ARHGEF3: variants seen among roughly 807,000 people sequenced by gnomAD.
ARHGEF3 encodes 59.8 kDA protein.
ARHGEF3 carries 28 observed loss-of-function variants against 63.2 expected under a neutral mutation model. That is an observed-to-expected ratio of 0.44 (90% confidence interval 0.33 to 0.61). The LOEUF (loss-of-function observed/expected upper bound fraction) is 0.61. ARHGEF3 is among the 20% of genes least tolerant of loss of function. The pLI, the probability that ARHGEF3 is intolerant of heterozygous loss-of-function variation, is 0.03. For missense variants in ARHGEF3, 533 were observed against 659.3 expected, an observed-to-expected ratio of 0.81 and a Z score of 2.10; for synonymous variants, 266 against 254.2, an observed-to-expected ratio of 1.05 and a Z score of -0.44.
intron 1 of ARHGEF3, among the ~76,000 whole-genome samples, chr3:57,041,758 C>T (rs1704194703): frequency 1.3e-5 from 2 of 152,182 alleles, no homozygotes; most frequent in Non-Finnish European, 2.9e-5. Flanking sequence ...AGGCTTTTAT[C>T]TGAGCAGGGA....
chr3:57,042,686 ATATATATATATATATTT>A (rs1704260471), intron 1 of ARHGEF3, among the ~76,000 whole-genome samples: 1 of 7,662 alleles, frequency 1.3e-4, no homozygotes, highest in Non-Finnish European at 2.1e-4. Context: ...ATATATATAT[ATATATATATATATATTT>A]TTTTTTTTTT....
At chr3:57,019,756 A>G (rs909929929) in intron 2 of ARHGEF3, among the ~76,000 whole-genome samples, 3 of 152,202 alleles carry the variant, frequency 2.0e-5, no homozygotes, top group African/African-American at 7.2e-5. Context: ...AAAAGGGAAC[A>G]ATAAGGAATT....
At chr3:56,928,492 C>A (rs1455157506) in intron 3 of ARHGEF3, among the ~76,000 whole-genome samples, 1 of 152,146 alleles carries the variant, frequency 6.6e-6, no homozygotes, top group African/African-American at 2.4e-5. Context: ...TTTGAAAGCA[C>A]AAAGCTGCTT....
chr3:56,951,219 G>A (rs1308243901), intron 3 of ARHGEF3, among the ~76,000 whole-genome samples: 1 of 151,130 alleles, frequency 6.6e-6, no homozygotes, highest in African/African-American at 2.4e-5. Context: ...CATGGCACAT[G>A]TATACATATG....
intron 4 of ARHGEF3, among the ~76,000 whole-genome samples, chr3:56,752,772 TCA>T (rs1237651112): frequency 6.6e-6 from 1 of 152,152 alleles, no homozygotes; most frequent in Non-Finnish European, 1.5e-5. Flanking sequence ...TGCCTAAAAC[TCA>T]GTTTCTTGGC....
chr3:57,059,371 T>C (rs958871169), intron 1 of ARHGEF3, among the ~76,000 whole-genome samples: 2 of 151,518 alleles, frequency 1.3e-5, no homozygotes, highest in Non-Finnish European at 2.9e-5. Flanking sequence ...ACACTAACAA[T>C]AGCTGATGAA....
intron 1 of ARHGEF3, among the ~76,000 whole-genome samples, chr3:56,800,260 C>G (rs970491208): frequency 1.3e-5 from 2 of 152,164 alleles, no homozygotes; most frequent in South Asian, 2.1e-4. Flanking sequence ...TTCTTCCTTA[C>G]AAGTGGAGTT....
intron 2 of ARHGEF3, among the ~76,000 whole-genome samples, chr3:57,008,258 G>A (rs140961383): frequency 1.3e-5 from 2 of 152,264 alleles, no homozygotes; most frequent in East Asian, 1.9e-4. Context: ...GTCTGGAAAC[G>A]TGTGAGCCTT....
rs542664321 is a variant in ARHGEF3, at chr3:57,065,077, T to C, written c.-28+14149A>G. On this transcript the variant is annotated intron_variant, in intron 1 of 12. Coordinates refer to the ARHGEF3 transcript ENST00000338458. ...GAGAAGTAGGGTGGAGAGAGGGTTC[T>C]GCTGTTTTTAAGTTGGGAGAAATAA... Among the ~76,000 whole-genome samples the C allele has an allele frequency of 7.2e-5, 11 of 152,398 alleles. No individual in the cohort carries two copies. In the South Asian group the frequency reaches 2.3e-3, roughly 32 times the overall value.
At chr3:56,926,055 A>C (rs2042266443) in intron 3 of ARHGEF3, among the ~76,000 whole-genome samples, 1 of 152,242 alleles carries the variant, frequency 6.6e-6, no homozygotes, top group South Asian at 2.1e-4. Flanking sequence ...AGACCTGTAC[A>C]CAATGCTCAC....
chr3:56,985,136 G>A (rs1701483512), intron 2 of ARHGEF3, among the ~76,000 whole-genome samples: 2 of 152,306 alleles, frequency 1.3e-5, no homozygotes, highest in South Asian at 4.2e-4. Context: ...CGCCCAGGCG[G>A]GGAATGCAAT....
At chr3:56,767,091 C>CTTGAGGCCAGGAGT (rs2035742176) in intron 2 of ARHGEF3, among the ~76,000 whole-genome samples, 1 of 149,744 alleles carries the variant, frequency 6.7e-6, no homozygotes, top group Non-Finnish European at 1.5e-5. Context: ...GGTAGGACTG[C>CTTGAGGCCAGGAGT]TTGAGGCCAG....
In ARHGEF3 at chr3:56,737,256, G is replaced by A; in HGVS notation, c.970C>T (p.Gln324Ter). The change falls in exon 8 of 10, where the codon CAG becomes TAG. Residue 324 changes from glutamine to a stop codon, truncating the protein, a stop_gained. Transcript: ENST00000296315. LOFTEE classifies it high-confidence loss of function. ...GAGCTGTCGATCAGGGAGTCTTTCT[G>A]GCCTTCTTCCAAGTAAAGAAGCCGC... is the stretch of plus-strand genomic sequence containing the variant. ...KERLLYLEEG[Q>*]KDSLIDSSRV... 1 of 1,613,914 alleles carries A rather than the reference G, an allele frequency of 6.2e-7. No individual in the cohort carries two copies. The highest frequency in any genetic ancestry group is 1.1e-5 in the South Asian group (1 of 91,072).
intron 3 of ARHGEF3, among the ~76,000 whole-genome samples, chr3:56,918,259 G>A (rs1233550572): frequency 1.3e-5 from 2 of 152,172 alleles, no homozygotes; most frequent in Non-Finnish European, 2.9e-5. Flanking sequence ...AGTATTTTCT[G>A]ACAAGCCACT....
chr3:57,041,838 T>C (rs1472094790), intron 1 of ARHGEF3, among the ~76,000 whole-genome samples: 2 of 152,138 alleles, frequency 1.3e-5, no homozygotes, highest in Non-Finnish European at 2.9e-5. Context: ...AACTAAAGGA[T>C]GGTTGGATGG....
intron 3 of ARHGEF3, among the ~76,000 whole-genome samples, chr3:56,886,901 A>G (rs373251244): frequency 1.4e-4 from 21 of 152,068 alleles, no homozygotes; most frequent in African/African-American, 4.6e-4. Flanking sequence ...ACTTCAAACT[A>G]TGTGCTTCCC....
chr3:56,770,183 T>G (rs372379972), intron 2 of ARHGEF3, among the ~76,000 whole-genome samples: 1 of 152,128 alleles, frequency 6.6e-6, no homozygotes, highest in East Asian at 1.9e-4. Flanking sequence ...GAGGCTGAGC[T>G]GGCGGATTAC....
At chr3:56,926,826 T>C (rs1187318538) in intron 3 of ARHGEF3, among the ~76,000 whole-genome samples, 5 of 152,076 alleles carry the variant, frequency 3.3e-5, no homozygotes, top group Admixed American at 2.0e-4. Context: ...ATGTGTGTGG[T>C]TGAGCCACAA....
intron 1 of ARHGEF3, among the ~76,000 whole-genome samples, chr3:57,061,435 T>C (rs987355524): frequency 1.3e-5 from 2 of 152,208 alleles, no homozygotes; most frequent in Admixed American, 1.3e-4. Context: ...AGTGCCAGCA[T>C]TACAGGTGTG....
Sources: gnomAD v4.1 joint callset for allele counts (sites outside exome capture counted in the v4.1 genomes callset) on GRCh38, gnomAD v4.1.1 for gene constraint, MANE v1.5 for transcripts, NCBI Gene and HGNC (gene_info 2026-07-23, HGNC 2026-07-21) for gene names.